The following DYNC2I2 variants were observed in gnomAD, a reference collection of about 807,000 sequenced individuals.
DYNC2I2 encodes the protein cytoplasmic dynein 2 intermediate chain 2.
In DYNC2I2, 39 loss-of-function variants were observed where a neutral mutation model predicts 52.0. The observed-to-expected ratio is 0.75, with a 90% CI of 0.58 to 0.98. The LOEUF (loss-of-function observed/expected upper bound fraction) is 0.98, where lower values mean the gene tolerates loss of function less well. Among genes scored for constraint, DYNC2I2 ranks in the 50% least tolerant of loss-of-function variants. DYNC2I2 has a pLI of 0.00. For missense variants in DYNC2I2, 743 were observed against 728.4 expected (o/e 1.02, Z -0.23); for synonymous variants, 359 against 321.1 (o/e 1.12, Z -1.26).
At chr9:128,673,203 A>G in the DYNC2I2 span, among the ~76,000 whole-genome samples, 5 of 152,332 alleles carry the variant, frequency 3.3e-5, no homozygotes, top group Middle Eastern at 3.4e-3. Context: ...TGAGGCTTAA[A>G]TAAGTATAGC....
the DYNC2I2 span, chr9:128,683,633 GC>G: frequency 2.5e-6 from 1 of 399,072 alleles, no homozygotes; most frequent in Non-Finnish European, 4.6e-6. Context: ...GGAAGAACTT[GC>G]CCCCTCCCCC....
At chr9:128,669,517 G>A in the DYNC2I2 span, among the ~76,000 whole-genome samples, 1 of 152,154 alleles carries the variant, frequency 6.6e-6, no homozygotes, top group Non-Finnish European at 1.5e-5. Context: ...GAGCAACATG[G>A]AGAAACCCTG....
chr9:128,679,655 T>G, the DYNC2I2 span, among the ~76,000 whole-genome samples: 1 of 150,208 alleles, frequency 6.7e-6, no homozygotes, highest in Admixed American at 6.6e-5. Context: ...TTTTTTTTGT[T>G]TTTTTTTTTG....
At chr9:128,637,344 T>C (rs1000977976) in intron 2 of DYNC2I2, among the ~76,000 whole-genome samples, 3 of 152,206 alleles carry the variant, frequency 2.0e-5, no homozygotes, top group African/African-American at 7.2e-5. Flanking sequence ...CCCAGCAGCA[T>C]AAAAGTGCCC....
At chr9:128,677,635 TA>T in the DYNC2I2 span, among the ~76,000 whole-genome samples, 744 of 138,060 alleles carry the variant, frequency 5.4e-3, no homozygotes, top group Middle Eastern at 7.5e-3. Context: ...CCGTCTCTAC[TA>T]AAAAAAAAAA....
intron 4 of DYNC2I2, 180 bp downstream of exon 4, chr9:128,636,101 C>T: frequency 1.0e-6 from 1 of 992,044 alleles, no homozygotes; most frequent in Non-Finnish European, 1.6e-6. Flanking sequence ...CCAGACTCCT[C>T]CCCCGAGTTC....
upstream of DYNC2I2, among the ~76,000 whole-genome samples, chr9:128,660,605 C>G (rs1390668660): frequency 2.7e-5 from 4 of 150,296 alleles, no homozygotes; most frequent in Non-Finnish European, 6.0e-5. Context: ...CCATGTTAGC[C>G]AGGATGGTCT....
chr9:128,656,341 G>A (rs1860823633), intron 1 of DYNC2I2, among the ~76,000 whole-genome samples, 200 bp downstream of exon 1: 1 of 151,988 alleles, frequency 6.6e-6, no homozygotes, highest in Non-Finnish European at 1.5e-5. Context: ...TTAAAAAATG[G>A]GCCGAAAGTA....
chr9:128,649,202 T>TTGGGAGGCTGAG (rs988185499), intron 1 of DYNC2I2, among the ~76,000 whole-genome samples: 3 of 152,060 alleles, frequency 2.0e-5, no homozygotes, highest in Admixed American at 2.0e-4. Flanking sequence ...TTTCAGCACT[T>TTGGGAGGCTGAG]TGGGAGGCTG....
chr9:128,656,620 C>T lies in DYNC2I2; in HGVS notation c.107G>A (p.Gly36Glu), dbSNP rs375929394. The change falls in exon 1 of 9, where the codon GGG becomes GAG. Residue 36 changes from glycine to glutamate, a missense_variant. Gly to Glu is a moderately conservative substitution (Grantham distance 98). Coordinates refer to ENST00000372715, the MANE Select transcript of DYNC2I2 (RefSeq NM_052844.4). ...VASGPGPGRPGPLQDETLGVA... is the reference protein window; with the variant it reads ...VASGPGPGRPEPLQDETLGVA... ...ACCCAGGGTCTCGTCCTGCAGCGGC[C>T]CTGGCCGCCCCGGCCCCGGGCCGCT... The T allele has an allele frequency of 1.3e-6, 2 of 1,497,518 alleles. No individual in the cohort carries two copies. The highest frequency in any genetic ancestry group is 1.8e-6 in the Non-Finnish European group (2 of 1,131,196). 92.8% of individuals were successfully genotyped at this position (1,497,518 alleles called of 1,614,324 possible). A position where few individuals can be genotyped will look rare whatever the true frequency, so the allele number is the denominator to read the frequency against.
At chr9:128,648,524 G>A (rs1860661127) in intron 1 of DYNC2I2, among the ~76,000 whole-genome samples, 2 of 149,860 alleles carry the variant, frequency 1.3e-5, no homozygotes, top group African/African-American at 4.9e-5. Context: ...GGTGGCTCAG[G>A]CCTGTAATCC....
rs899301165 is a variant in DYNC2I2 at position 128,635,330 on chromosome 9, C to A, written c.814-71G>T. ...GCCCAGGTGTCACGCTCCACCCCTACCCTCCCTCTCTTCCAGGAAAAAAAA... is the reference window on the plus strand; with the variant it reads ...GCCCAGGTGTCACGCTCCACCCCTAACCTCCCTCTCTTCCAGGAAAAAAAA... On this transcript the variant is annotated intron_variant, in intron 5 of 8. Transcript: ENST00000372715. 8.0e-6 allele frequency: 12 copies of A among 1,509,286 alleles called. No individual in the cohort carries two copies. In the African/African-American group the frequency reaches 1.4e-4, roughly 18 times the overall value. The allele number at this position is 1,509,286 out of a possible 1,614,324, so 93.5% of individuals were successfully genotyped here. A position where few individuals can be genotyped will look rare whatever the true frequency, so the allele number is the denominator to read the frequency against.
chr9:128,682,836 C>T, the DYNC2I2 span, among the ~76,000 whole-genome samples: 1 of 151,376 alleles, frequency 6.6e-6, no homozygotes, highest in African/African-American at 2.4e-5. Flanking sequence ...CCTCCACGCT[C>T]GGCTGATTTT....
Position 128,633,870 on chromosome 9 carries a change from A to C in DYNC2I2, c.1485T>G (p.Thr495=). 6.2e-7 allele frequency: 1 copy of C among 1,613,564 alleles called. No homozygotes were observed. Among genetic ancestry groups the C allele is most frequent in the South Asian group, 1.1e-5 (1 of 91,090 alleles). The change falls in exon 9 of 9, where the codon ACT becomes ACG. Residue 495 remains threonine, a synonymous_variant. Coordinates refer to ENST00000372715, the MANE Select transcript of DYNC2I2 (RefSeq NM_052844.4). The part of the protein sequence containing the change: ...VYCLEFNSQQ[T]QLLAAGDAQG... ...GGGCATCGCCCGCAGCCAAGAGCTGAGTCTGCTGGCTGTTGAACTCCAGAC... is the reference window on the plus strand; with the variant it reads ...GGGCATCGCCCGCAGCCAAGAGCTGCGTCTGCTGGCTGTTGAACTCCAGAC...
At chr9:128,675,457 G>A in the DYNC2I2 span, among the ~76,000 whole-genome samples, 20 of 152,272 alleles carry the variant, frequency 1.3e-4, no homozygotes, top group Non-Finnish European at 2.5e-4. Context: ...TGGGATTATA[G>A]GCATGAGCCA....
In DYNC2I2 at chr9:128,656,808, G is replaced by A; in HGVS notation, c.-82C>T. On this transcript the variant is annotated 5_prime_UTR_variant, in exon 1 of 9. Coordinates refer to ENST00000372715, the MANE Select transcript of DYNC2I2 (RefSeq NM_052844.4). The stretch of plus-strand genomic sequence containing the variant: ...CCGCCATGAGCGGAAAACGGGGAAT[G>A]TGAGGCTGACGGCGCCATGTTTGAA... 1 of 1,288,152 alleles carries A rather than the reference G, an allele frequency of 7.8e-7. No individual in the cohort carries two copies. The highest frequency in any genetic ancestry group is 1.6e-5 in the African/African-American group (1 of 64,172). 79.8% of individuals were successfully genotyped at this position (1,288,152 alleles called of 1,614,324 possible).
At chr9:128,665,289 G>A in the DYNC2I2 span, among the ~76,000 whole-genome samples, 3 of 151,852 alleles carry the variant, frequency 2.0e-5, no homozygotes, top group East Asian at 2.0e-4. Context: ...CTGACCTCGT[G>A]TTCCACCCTC....
At chr9:128,684,063 CTCTGATTTTTA>C in the DYNC2I2 span, 1 of 1,392,776 alleles carries the variant, frequency 7.2e-7, no homozygotes. Context: ...AGGATTGACT[CTCTGATTTTTA>C]CCCCCCAATC....
rs755570414 is a variant in DYNC2I2, at chr9:128,633,935, CTG to C, written c.1418_1419del (p.Thr473SerfsTer9). ...TCATCCTGGGTTTGCTTGATCAAAA[CTG>C]TGGGTTTCTGGGAGCTTTTCTGGAG... Reference protein sequence around the residue: ...FDLQKSSQKPTVLIKQTQDES... With the variant: ...FDLQKSSQKPXVLIKQTQDES... On this transcript the variant is annotated frameshift_variant, in exon 9 of 9. Transcript: ENST00000372715. LOFTEE classifies it high-confidence loss of function. 109 of 1,613,068 alleles carry C rather than the reference CTG, an allele frequency of 6.8e-5. No individual in the cohort carries two copies. Among genetic ancestry groups the C allele is most frequent in the East Asian group, 8.9e-5 (4 of 44,902 alleles).
Sources: allele counts gnomAD v4.1 joint callset (sites outside exome capture counted in the v4.1 genomes callset), GRCh38; gene constraint gnomAD v4.1.1; transcripts MANE v1.5; gene names NCBI Gene and HGNC (gene_info 2026-07-23, HGNC 2026-07-21).